Variants in SLC29A1 observed in about 807,000 individuals in gnomAD.
SLC29A1 encodes the protein solute carrier family 29 member 1 (Augustine blood group), also known as equilibrative nucleoside transporter 1.
A neutral mutation model predicts 48.3 loss-of-function variants in SLC29A1; 22 were observed. The observed-to-expected ratio is 0.46, with a 90% confidence interval of 0.33 to 0.65. The LOEUF (loss-of-function observed/expected upper bound fraction) is 0.65. Ranked by LOEUF, SLC29A1 falls within the 30% of genes least tolerant of loss-of-function variation. The pLI, the probability that SLC29A1 is intolerant of heterozygous loss-of-function variation, is 0.03. For synonymous variants in SLC29A1, 228 were observed against 231.0 expected, an observed-to-expected ratio of 0.99 and a Z score of 0.12; for missense variants, 491 against 575.3, an observed-to-expected ratio of 0.85 and a Z score of 1.50.
chr6:44,226,104 A>T (rs1020956582), intron 1 of SLC29A1: 26 of 985,104 alleles, frequency 2.6e-5, no homozygotes, highest in Non-Finnish European at 3.0e-5. Flanking sequence ...AACTAGGAGC[A>T]CCTCCTAGGG....
rs745883766 is a variant in SLC29A1, at chr6:44,230,498, A to G, written c.589+17A>G. 4 of 1,613,688 alleles carry G rather than the reference A, an allele frequency of 2.5e-6. No individual in the cohort carries two copies. In the Admixed American group the frequency reaches 6.7e-5, roughly 27 times the overall value. ...CTATTGCCAGTAAGTCCGGCTATCT[A>G]CCTGCCCAGTGCCCTGGTGTGGTGG... On this transcript the variant is annotated intron_variant, in intron 6 of 12. Coordinates refer to ENST00000371755, the MANE Select transcript of SLC29A1 (RefSeq NM_001372327.1).
chr6:44,221,056 A>AT (rs970520746), upstream of SLC29A1, among the ~76,000 whole-genome samples: 6 of 151,350 alleles, frequency 4.0e-5, no homozygotes, highest in African/African-American at 7.3e-5. The surrounding 1 kb of genome is among the most constrained non-coding windows in gnomAD (Gnocchi z 4.2). Flanking sequence ...ATTTATTTTA[A>AT]TTTTTTTTGT....
chr6:44,232,463 G>A lies in SLC29A1; in HGVS notation c.1059+35G>A, dbSNP rs1369951017. On this transcript the variant is annotated intron_variant, in intron 11 of 12. Coordinates refer to ENST00000371755, the MANE Select transcript of SLC29A1 (RefSeq NM_001372327.1). The surrounding 1 kb of genome is among the most constrained non-coding windows in gnomAD (Gnocchi z 4.7). Reference sequence around the variant, plus strand: ...GGAAGAGGGCCCCAGGCCCCTGTGGGAAGTAAGAGTCCAGCCTGGACCCAG... The same window carrying A: ...GGAAGAGGGCCCCAGGCCCCTGTGGAAAGTAAGAGTCCAGCCTGGACCCAG... The A allele has an allele frequency of 4.2e-6, 6 of 1,417,528 alleles. No individual in the cohort carries two copies. Among genetic ancestry groups the A allele is most frequent in the Non-Finnish European group, 5.0e-6 (5 of 1,005,630 alleles). The allele number at this position is 1,417,528 out of a possible 1,614,324, so 87.8% of individuals were successfully genotyped here.
At chr6:44,221,555 A>T (rs1776422311), upstream of SLC29A1, 1 of 1,128,758 alleles carries the variant, frequency 8.9e-7, no homozygotes. This position sits in a 1 kb window ranked among gnomAD's most constrained non-coding sequence, Gnocchi z 4.2. Context: ...GTGCAGCAGG[A>T]CCAACCCTTC....
intron 1 of SLC29A1, chr6:44,227,013 G>A (rs1050382228): frequency 9.6e-6 from 12 of 1,253,970 alleles, no homozygotes; most frequent in Middle Eastern, 3.2e-4. Flanking sequence ...TAAAAATAGC[G>A]GTGGCAGCGG....
rs199951132 is a variant in SLC29A1 at position 44,231,505 on chromosome 6, T to C, written c.864+44T>C. 176 of 1,276,112 alleles carry C rather than the reference T, an allele frequency of 1.4e-4. No homozygotes were observed. The East Asian group carries it at 4.2e-3, about 30-fold the overall frequency. 79.0% of individuals were successfully genotyped at this position (1,276,112 alleles called of 1,614,324 possible). A position where few individuals can be genotyped will look rare whatever the true frequency, so the allele number is the denominator to read the frequency against. On this transcript the variant is annotated intron_variant, in intron 9 of 12. Transcript: ENST00000371755. ...CCTATCTTCTACCCCTTGTCCTCTT[T>C]CTCTCCTCCTTTTGCTCCCTCCCCC...
At position 44,227,288 on chromosome 6, in the gene SLC29A1, C is replaced by T; in HGVS notation, c.-26C>T. ...GCCCCTGAGGGAGGGAGCTGTCAGC[C>T]AGGGAAAACCGAGAACACCATCACC... On this transcript the variant is annotated 5_prime_UTR_variant, in exon 2 of 13. Coordinates refer to ENST00000371755, the MANE Select transcript of SLC29A1 (RefSeq NM_001372327.1). 6.2e-7 allele frequency: 1 copy of T among 1,614,070 alleles called. No homozygotes were observed. Among genetic ancestry groups the T allele is most frequent in the Non-Finnish European group, 8.5e-7 (1 of 1,179,980 alleles).
upstream of SLC29A1, among the ~76,000 whole-genome samples, chr6:44,222,664 TC>T (rs1776586652): frequency 6.7e-6 from 1 of 150,252 alleles, no homozygotes. Flanking sequence ...AGAGAGGGCC[TC>T]CCTCCCCCTC....
upstream of SLC29A1, among the ~76,000 whole-genome samples, chr6:44,221,136 G>A (rs1426468209): frequency 2.0e-5 from 3 of 152,056 alleles, no homozygotes; most frequent in Admixed American, 1.3e-4. This position sits in a 1 kb window ranked among gnomAD's most constrained non-coding sequence, Gnocchi z 4.2. Context: ...CTCCCACCTC[G>A]GCCTCCAAAA....
chr6:44,231,326 G>A (rs761584549), intron 8 of SLC29A1, 38 bp from the exon 9 acceptor site: 2 of 1,343,176 alleles, frequency 1.5e-6, no homozygotes, highest in South Asian at 1.2e-5. Flanking sequence ...CTGTTGCTCT[G>A]TCTTCCCCAC....
At chr6:44,221,597 A>T (rs1776432206), upstream of SLC29A1, 1 of 1,247,974 alleles carries the variant, frequency 8.0e-7, no homozygotes, top group African/African-American at 1.5e-5. The surrounding 1 kb of genome is among the most constrained non-coding windows in gnomAD (Gnocchi z 4.2). Flanking sequence ...GACCTGAGGG[A>T]GCTCAGGGAG....
rs756126697 is a variant in SLC29A1 at position 44,230,568 on chromosome 6, G to A, written c.590G>A (p.Ser197Asn). 11 of 1,614,050 alleles carry A rather than the reference G, an allele frequency of 6.8e-6. No homozygotes were observed. In the Admixed American group the frequency reaches 1.8e-4, roughly 27 times the overall value. Residue 197 changes from serine to asparagine, a missense_variant and splice_region_variant, in exon 7 of 13, where the codon AGT (serine) becomes AAT (asparagine). Coordinates refer to ENST00000371755, the MANE Select transcript of SLC29A1 (RefSeq NM_001372327.1). Reference sequence around the variant, plus strand: ...TCTCTGATCACTGACACCACCCCAGGTGGCTCGGAGCTATCAGAAAGTGCC... The same window carrying A: ...TCTCTGATCACTGACACCACCCCAGATGGCTCGGAGCTATCAGAAAGTGCC... ...ASVAMICAIA[S>N]GSELSESAFG...
At chr6:44,226,210 C>T in intron 1 of SLC29A1, 1 of 721,990 alleles carries the variant, frequency 1.4e-6, no homozygotes, top group Non-Finnish European at 1.7e-6. Flanking sequence ...GTCCTTTCAC[C>T]CCAAACAGCA....
At chr6:44,222,721 C>T (rs773489139), upstream of SLC29A1, among the ~76,000 whole-genome samples, 12 of 152,184 alleles carry the variant, frequency 7.9e-5, no homozygotes, top group Non-Finnish European at 1.3e-4. Context: ...CCCACACCTT[C>T]CTCCTTAGCT....
upstream of SLC29A1, among the ~76,000 whole-genome samples, chr6:44,220,193 A>AT (rs1169311190): frequency 1.3e-5 from 2 of 152,008 alleles, no homozygotes; most frequent in East Asian, 3.9e-4. Flanking sequence ...TTAAAAAAAA[A>AT]CAAAAACCGA....
intron 1 of SLC29A1, chr6:44,227,062 G>A: frequency 1.5e-6 from 2 of 1,371,718 alleles, no homozygotes; most frequent in African/African-American, 1.5e-5. Flanking sequence ...CAGGCAGGGG[G>A]GCCGCGCAGG....
chr6:44,227,435 G>T, intron 2 of SLC29A1, 93 bp downstream of exon 2: 2 of 1,153,358 alleles, frequency 1.7e-6, no homozygotes, highest in South Asian at 1.3e-5. Context: ...GCCATTGCTG[G>T]CTGGCCTTCC....
chr6:44,230,696 G>GTT, intron 7 of SLC29A1, 31 bp downstream of exon 7: 7 of 561,038 alleles, frequency 1.2e-5, no homozygotes, highest in Non-Finnish European at 2.4e-5. Flanking sequence ...GGGGTTTGGG[G>GTT]TATAGGGGTC....
Position 44,223,641 on chromosome 6 carries a change from G to C in SLC29A1, c.-52G>C. ...GCGCGGGAGCAGTGCTTCTGCGGCA[G>C]GTGCTGCCCGGGGCCGGGGACTGGG... On this transcript the variant is annotated splice_region_variant and 5_prime_UTR_variant, in exon 1 of 13. Coordinates refer to ENST00000371755, the MANE Select transcript of SLC29A1 (RefSeq NM_001372327.1). The surrounding 1 kb of genome is among the most constrained non-coding windows in gnomAD (Gnocchi z 5.0). 1 of 1,206,422 alleles carries C rather than the reference G, an allele frequency of 8.3e-7. No homozygotes were observed. Among genetic ancestry groups the C allele is most frequent in the Non-Finnish European group, 1.1e-6 (1 of 946,958 alleles). 74.7% of individuals were successfully genotyped at this position (1,206,422 alleles called of 1,614,324 possible).
Sources: allele counts gnomAD v4.1 joint callset (sites outside exome capture counted in the v4.1 genomes callset), GRCh38; gene constraint gnomAD v4.1.1; non-coding constraint Gnocchi (gnomAD v3.1); transcripts MANE v1.5; gene names NCBI Gene and HGNC (gene_info 2026-07-23, HGNC 2026-07-21).